Variants in ADGRL2 observed in about 807,000 individuals in gnomAD.
ADGRL2 encodes the protein calcium-independent alpha-latrotoxin receptor 2.
A neutral mutation model predicts 157.4 loss-of-function variants in ADGRL2; 44 were observed. The ratio of observed to expected loss-of-function variants is 0.28; its 90% CI spans 0.22 to 0.36. ADGRL2 has a LOEUF of 0.36. ADGRL2 is among the 10% of genes least tolerant of loss of function. ADGRL2 has a pLI of 1.00. For synonymous variants in ADGRL2, 585 were observed against 624.7 expected, an observed-to-expected ratio of 0.94 and a Z score of 0.95; for missense variants, 1,510 against 1,768.9, an observed-to-expected ratio of 0.85 and a Z score of 2.63.
rs374722718 is a variant in ADGRL2, at chr1:81,880,457, C to T, written c.74-26560C>T. On this transcript the variant is annotated intron_variant, in intron 2 of 23. Transcript: ENST00000686636. ...AGCTTAACAAGGTTCAGGTTCTTGT[C>T]TCAGTACCAGGAAGAAGTAGGCATG... is the stretch of plus-strand genomic sequence containing the variant. 3.4e-4 allele frequency among the ~76,000 whole-genome samples: 51 copies of T among 152,238 alleles called. No individual in the cohort carries two copies. In the East Asian group the frequency reaches 5.0e-3, roughly 15 times the overall value.
chr1:81,830,170 G>A (rs1402659988), intron 1 of ADGRL2, among the ~76,000 whole-genome samples: 1 of 152,060 alleles, frequency 6.6e-6, no homozygotes, highest in Admixed American at 6.6e-5. Flanking sequence ...ATCTTAATCT[G>A]TTTTATAATG....
intron 3 of ADGRL2, among the ~76,000 whole-genome samples, chr1:81,935,196 C>T (rs2095292031): frequency 6.6e-6 from 1 of 151,498 alleles, no homozygotes; most frequent in African/African-American, 2.4e-5. Flanking sequence ...ATGAGTGAAC[C>T]AAATTAAGAG....
intron 3 of ADGRL2, among the ~76,000 whole-genome samples, chr1:81,591,275 A>G (rs2081127685): frequency 6.6e-6 from 1 of 152,090 alleles, no homozygotes; most frequent in Non-Finnish European, 1.5e-5. Context: ...GTGCTCATCT[A>G]CTCAGATATC....
At chr1:81,501,898 G>A in intron 2 of ADGRL2, 1 of 1,611,866 alleles carries the variant, frequency 6.2e-7, no homozygotes, top group South Asian at 1.1e-5. Flanking sequence ...GAGAAGCCCA[G>A]TTCTTGTATG....
chr1:81,752,133 G>A (rs1418150816), intron 1 of ADGRL2, among the ~76,000 whole-genome samples: 2 of 152,036 alleles, frequency 1.3e-5, no homozygotes, highest in African/African-American at 4.8e-5. Flanking sequence ...TTAATGAAAG[G>A]GCTTAGTGGC....
chr1:81,898,744 A>G (rs400382), intron 2 of ADGRL2, among the ~76,000 whole-genome samples: 84,245 of 152,044 alleles, frequency 0.55, 24,123 homozygotes, highest in Middle Eastern at 0.66. Context: ...TTTTAACACT[A>G]TTTTCATCTA....
chr1:81,739,261 G>A (rs1268208406), intron 1 of ADGRL2, among the ~76,000 whole-genome samples: 1 of 152,200 alleles, frequency 6.6e-6, no homozygotes, highest in Non-Finnish European at 1.5e-5. Flanking sequence ...CTTGCTCTGT[G>A]ACCTTATGCA....
intron 2 of ADGRL2, among the ~76,000 whole-genome samples, chr1:81,525,772 G>A (rs147334253): frequency 0.027 from 4,185 of 152,234 alleles, 167 homozygotes; most frequent in Admixed American, 0.098. Flanking sequence ...ATTGGTGGGG[G>A]GCAAAGGTGG....
intron 6 of ADGRL2, among the ~76,000 whole-genome samples, chr1:81,946,163 A>G (rs1649752518): frequency 6.6e-6 from 1 of 152,122 alleles, no homozygotes; most frequent in Admixed American, 6.6e-5. Flanking sequence ...TTGCTATCAC[A>G]TATATGGCCA....
chr1:81,845,894 T>G (rs2092769576), intron 2 of ADGRL2, among the ~76,000 whole-genome samples: 1 of 152,000 alleles, frequency 6.6e-6, no homozygotes, highest in South Asian at 2.1e-4. Context: ...TCTTCTTTCC[T>G]TTTTGTTATA....
At chr1:81,763,971 A>C (rs915143564) in intron 2 of ADGRL2, among the ~76,000 whole-genome samples, 1 of 152,076 alleles carries the variant, frequency 6.6e-6, no homozygotes, top group African/African-American at 2.4e-5. Context: ...GTGCCACTGC[A>C]CTCCAACCTG....
At chr1:81,880,051 A>AT (rs1326486387) in intron 2 of ADGRL2, among the ~76,000 whole-genome samples, 1 of 152,112 alleles carries the variant, frequency 6.6e-6, no homozygotes, top group Non-Finnish European at 1.5e-5. Context: ...AATAAGTTGT[A>AT]TTTTGGATCC....
chr1:81,501,513 T>C (rs1463416738), intron 2 of ADGRL2, among the ~76,000 whole-genome samples: 2 of 152,256 alleles, frequency 1.3e-5, no homozygotes, highest in African/African-American at 2.4e-5. Context: ...ATAAAGTTTA[T>C]ATCTTGGTTC....
chr1:81,452,380 T>C (rs1296702817), intron 2 of ADGRL2, among the ~76,000 whole-genome samples: 1 of 152,178 alleles, frequency 6.6e-6, no homozygotes, highest in African/African-American at 2.4e-5. Context: ...GTGACTCTCA[T>C]GGGAGAAACA....
chr1:81,783,936 C>G (rs2086921814), intron 2 of ADGRL2, among the ~76,000 whole-genome samples: 1 of 152,086 alleles, frequency 6.6e-6, no homozygotes, highest in Non-Finnish European at 1.5e-5. Flanking sequence ...ATAACCCTCA[C>G]AACAACATTA....
chr1:81,816,958 T>G lies in ADGRL2; in HGVS notation c.-101+15890T>G, dbSNP rs554796577. Among the ~76,000 whole-genome samples, 4 of 148,420 alleles carry G rather than the reference T, an allele frequency of 2.7e-5. No homozygotes were observed. In the East Asian group the frequency reaches 5.9e-4, roughly 22 times the overall value. Reference sequence around the variant, plus strand: ...CATGAATGTTGAATTCTTAGTTTTTTGGGGCTTTTTTTTTTTCAAGTATAT... The same window carrying G: ...CATGAATGTTGAATTCTTAGTTTTTGGGGGCTTTTTTTTTTTCAAGTATAT... On this transcript the variant is annotated intron_variant, in intron 1 of 23. Coordinates refer to ENST00000686636, the MANE Select transcript of ADGRL2 (RefSeq NM_001366006.2).
At chr1:81,654,381 G>T (rs778470223) in intron 3 of ADGRL2, among the ~76,000 whole-genome samples, 1 of 152,044 alleles carries the variant, frequency 6.6e-6, no homozygotes, top group Non-Finnish European at 1.5e-5. Context: ...TTTTACTTCT[G>T]TGCTTCAGCC....
intron 1 of ADGRL2, among the ~76,000 whole-genome samples, chr1:81,315,879 G>A (rs1475154408): frequency 6.6e-5 from 10 of 151,994 alleles, no homozygotes; most frequent in Admixed American, 1.3e-4. Flanking sequence ...TATATATTTT[G>A]TCCATAAGTC....
chr1:81,673,500 T>G (rs2082915469), intron 3 of ADGRL2, among the ~76,000 whole-genome samples: 1 of 149,198 alleles, frequency 6.7e-6, no homozygotes, highest in African/African-American at 2.5e-5. Context: ...GAACAGAAAC[T>G]GTGCCTTCTA....
Sources: allele counts gnomAD v4.1 joint callset (sites outside exome capture counted in the v4.1 genomes callset), GRCh38; gene constraint gnomAD v4.1.1; transcripts MANE v1.5; gene names NCBI Gene and HGNC (gene_info 2026-07-23, HGNC 2026-07-21).